Variants in DNAH3 observed in about 807,000 individuals in gnomAD.
DNAH3 encodes the protein axonemal beta dynein heavy chain 3.
Under a neutral mutation model 432.5 loss-of-function variants are expected in DNAH3, and 332 were observed. That is an observed-to-expected ratio of 0.77 (90% confidence interval 0.70 to 0.84). The LOEUF (loss-of-function observed/expected upper bound fraction) is 0.84, where lower values mean the gene tolerates loss of function less well. Among genes scored for constraint, DNAH3 ranks in the 40% least tolerant of loss-of-function variants. The pLI is 0.00. For missense variants in DNAH3, 4,861 were observed against 5,114.0 expected (o/e 0.95, Z 1.51); for synonymous variants, 1,956 against 1,900.2 (o/e 1.03, Z -0.76).
intron 44 of DNAH3, among the ~76,000 whole-genome samples, chr16:20,988,961 T>C (rs987048202): frequency 6.6e-6 from 1 of 152,202 alleles, no homozygotes; most frequent in Non-Finnish European, 1.5e-5. Context: ...ACTCGTGGTC[T>C]CGCTGGCTTC....
At chr16:21,006,175 T>A (rs1190847164) in intron 41 of DNAH3, among the ~76,000 whole-genome samples, 4 of 152,230 alleles carry the variant, frequency 2.6e-5, no homozygotes, top group Admixed American at 2.6e-4. Flanking sequence ...ACCTTATTTC[T>A]AAGCAATATA....
chr16:21,027,149 T>C (rs776306184), intron 37 of DNAH3, 22 bp from the exon 38 acceptor site: 9 of 1,570,254 alleles, frequency 5.7e-6, no homozygotes, highest in South Asian at 2.2e-5. Flanking sequence ...AAGCAGAGGG[T>C]AGCAGACAGG....
intron 18 of DNAH3, among the ~76,000 whole-genome samples, chr16:21,092,698 CAAAAAAAAAAAAAAA>C (rs61277332): frequency 1.7e-4 from 2 of 11,540 alleles, no homozygotes; most frequent in African/African-American, 3.3e-4. Context: ...AAAATATTTG[CAAAAAAAAAAAAAAA>C]AAAAAAAAAA....
intron 1 of DNAH3, among the ~76,000 whole-genome samples, chr16:21,153,853 T>C (rs1029868094): frequency 1.3e-5 from 2 of 152,172 alleles, no homozygotes; most frequent in African/African-American, 4.8e-5. Context: ...ACTTCCATTT[T>C]CCCCCTTTTT....
chr16:20,957,999 C>T (rs12930610), intron 54 of DNAH3, among the ~76,000 whole-genome samples: 10,682 of 151,204 alleles, frequency 0.071, 524 homozygotes, highest in East Asian at 0.17. Context: ...ATTAAAATTC[C>T]GAAGAACCCC....
chr16:21,115,473 G>A (rs150694328), intron 12 of DNAH3, among the ~76,000 whole-genome samples: 6 of 151,596 alleles, frequency 4.0e-5, no homozygotes, highest in African/African-American at 7.3e-5. Flanking sequence ...TTGGGAGGCC[G>A]AGGTGAGTGG....
At chr16:20,937,555 G>C (rs1567489562) in intron 59 of DNAH3, among the ~76,000 whole-genome samples, 1 of 124,310 alleles carries the variant, frequency 8.0e-6, no homozygotes, top group Admixed American at 9.0e-5. Context: ...TTTTGAGACA[G>C]AGTCTTGCCC....
intron 5 of DNAH3, among the ~76,000 whole-genome samples, chr16:21,136,994 C>A (rs142396511): frequency 7.2e-5 from 11 of 152,014 alleles, no homozygotes; most frequent in Admixed American, 3.9e-4. Flanking sequence ...ATTAGCCGGG[C>A]GTGGTGGCGC....
intron 1 of DNAH3, among the ~76,000 whole-genome samples, chr16:21,148,475 T>C (rs1379761586): frequency 6.6e-6 from 1 of 151,718 alleles, no homozygotes; most frequent in African/African-American, 2.4e-5. Context: ...TTTCGCTCTG[T>C]CGCCCAGGCT....
intron 5 of DNAH3, among the ~76,000 whole-genome samples, chr16:21,139,673 A>G (rs12925057): frequency 0.47 from 71,100 of 150,762 alleles, 17,209 homozygotes; most frequent in East Asian, 0.69. Context: ...TCTCCATGTT[A>G]CCCAGGCTGG....
At chr16:20,965,423 T>C in exon 53 of DNAH3, 2 of 1,512,800 alleles carry the variant, frequency 1.3e-6, no homozygotes, top group South Asian at 1.4e-5. Context: ...TCTATCATCT[T>C]ACCTATTTGG....
intron 9 of DNAH3, 42 bp from the exon 11 acceptor site, chr16:21,122,166 C>T (rs1266309094): frequency 1.3e-6 from 2 of 1,544,858 alleles, no homozygotes; most frequent in East Asian, 2.3e-5. Flanking sequence ...CAAAATTGGG[C>T]CTTCCAAAAT....
At chr16:20,962,959 C>T (rs1470816567) in intron 53 of DNAH3, among the ~76,000 whole-genome samples, 1 of 152,178 alleles carries the variant, frequency 6.6e-6, no homozygotes, top group African/African-American at 2.4e-5. Context: ...TCTCCGGAAC[C>T]CTCACCAGGT....
At chr16:21,155,833 T>C (rs1008934879) in intron 1 of DNAH3, among the ~76,000 whole-genome samples, 3 of 152,158 alleles carry the variant, frequency 2.0e-5, no homozygotes, top group African/African-American at 4.8e-5. Context: ...ATCAAGAGTT[T>C]AGGGTCTTAA....
chr16:21,110,774 G>A (rs2092051594), intron 14 of DNAH3, among the ~76,000 whole-genome samples: 1 of 152,174 alleles, frequency 6.6e-6, no homozygotes, highest in Non-Finnish European at 1.5e-5. Flanking sequence ...AGGAGGTTGA[G>A]GCAGGGGGAT....
In DNAH3 at chr16:21,002,217, CTA is replaced by C. The variant is rs546131313; in HGVS notation, c.6126+885_6126+886del. ...TCTCCAGTCACTTCAGAAAGATAAA[CTA>C]TGCCCACTAGATTCTACTAACAGGG... On this transcript the variant is annotated intron_variant, in intron 42 of 61. Coordinates refer to ENST00000261383, the Ensembl canonical transcript of DNAH3. Among the ~76,000 whole-genome samples, 14 of 152,234 alleles carry C rather than the reference CTA, an allele frequency of 9.2e-5. No individual in the cohort carries two copies. The South Asian group carries it at 2.7e-3, about 29-fold the overall frequency.
chr16:20,972,316 T>C (rs978810423), intron 51 of DNAH3, among the ~76,000 whole-genome samples: 4 of 151,588 alleles, frequency 2.6e-5, no homozygotes, highest in African/African-American at 9.7e-5. Flanking sequence ...TCACTGCAGC[T>C]CCTGGAATGA....
chr16:21,159,355 G>C (rs1567894238), exon 1 of DNAH3: 1 of 1,614,030 alleles, frequency 6.2e-7, no homozygotes, highest in Non-Finnish European at 8.5e-7. Flanking sequence ...CCTCTCCTTG[G>C]GTCTCCCTGG....
At chr16:21,139,723 C>T (rs1219023334) in intron 5 of DNAH3, among the ~76,000 whole-genome samples, 2 of 151,630 alleles carry the variant, frequency 1.3e-5, no homozygotes, top group Non-Finnish European at 2.9e-5. Flanking sequence ...CCCATTCCTC[C>T]TCCTAAAGTG....
Sources: allele counts gnomAD v4.1 joint callset (sites outside exome capture counted in the v4.1 genomes callset), GRCh38; gene constraint gnomAD v4.1.1; transcripts MANE v1.5; gene names NCBI Gene and HGNC (gene_info 2026-07-23, HGNC 2026-07-21).